Variants in ST8SIA2 observed in about 807,000 individuals in gnomAD.
ST8SIA2 encodes alpha-2,8-sialyltransferase 8B.
ST8SIA2 carries 22 observed loss-of-function variants against 37.6 expected under a neutral mutation model. That is an observed-to-expected ratio of 0.58 (90% CI 0.42 to 0.83). ST8SIA2 has a LOEUF of 0.83. ST8SIA2 is among the 40% of genes least tolerant of loss of function. The pLI is 0.00. For missense variants in ST8SIA2, 382 were observed against 484.7 expected (o/e 0.79, Z 1.99); for synonymous variants, 205 against 201.2 (o/e 1.02, Z -0.16).
At position 92,394,113 on chromosome 15, in the gene ST8SIA2, G is replaced by A; in HGVS notation, c.49G>A (p.Val17Met). 2 of 1,560,386 alleles carry A rather than the reference G, an allele frequency of 1.3e-6. No individual in the cohort carries two copies. The highest frequency in any genetic ancestry group is 1.7e-6 in the Non-Finnish European group (2 of 1,151,260). ...SWMLAALTLL[V>M]VFLIFADISE... ...GATGCTGGCCGCGCTCACGCTGCTC[G>A]TGGTCTTCCTCATCTTCGCAGACAT... is the stretch of plus-strand genomic sequence containing the variant. The change falls in exon 1 of 6, where the codon GTG (valine) becomes ATG (methionine). Residue 17 changes from valine to methionine, a missense_variant. Coordinates refer to ENST00000268164, the MANE Select transcript of ST8SIA2 (RefSeq NM_006011.4).
intron 5 of ST8SIA2, among the ~76,000 whole-genome samples, chr15:92,461,339 G>A (rs948798533): frequency 6.6e-6 from 1 of 152,120 alleles, no homozygotes; most frequent in Middle Eastern, 3.4e-3. Context: ...AATATAAGAG[G>A]AAAAAGCCCC....
At chr15:92,461,405 C>T (rs1193559799) in intron 5 of ST8SIA2, among the ~76,000 whole-genome samples, 1 of 152,180 alleles carries the variant, frequency 6.6e-6, no homozygotes, top group East Asian at 1.9e-4. Flanking sequence ...TAACCATCCA[C>T]TTCTTCAGCC....
intron 5 of ST8SIA2, among the ~76,000 whole-genome samples, chr15:92,446,216 CTCTT>C (rs1022379171): frequency 7.2e-5 from 11 of 152,140 alleles, no homozygotes; most frequent in African/African-American, 2.7e-4. Context: ...GCGTCTCTCT[CTCTT>C]TATGTTATAT....
intron 5 of ST8SIA2, among the ~76,000 whole-genome samples, chr15:92,452,553 C>T (rs766349682): frequency 6.6e-5 from 10 of 152,180 alleles, no homozygotes; most frequent in Non-Finnish European, 1.2e-4. Context: ...CAACACCAAG[C>T]TAGAGTTTCA....
chr15:92,408,677 T>TTTTA (rs58508323), intron 1 of ST8SIA2, among the ~76,000 whole-genome samples: 43,021 of 122,614 alleles, frequency 0.35, 7,197 homozygotes, highest in Middle Eastern at 0.43. Context: ...GTTCCATTTT[T>TTTTA]TTTATTTATT....
chr15:92,441,947 A>G (rs1291908754), intron 4 of ST8SIA2, among the ~76,000 whole-genome samples: 1 of 152,078 alleles, frequency 6.6e-6, no homozygotes, highest in Non-Finnish European at 1.5e-5. Context: ...GTACTCTTCA[A>G]TGTGTACCTG....
intron 5 of ST8SIA2, among the ~76,000 whole-genome samples, chr15:92,460,359 T>C (rs891342736): frequency 9.2e-5 from 14 of 152,182 alleles, no homozygotes; most frequent in African/African-American, 3.4e-4. Context: ...GTATGTGGCG[T>C]AGGTTGAGAA....
chr15:92,425,705 G>C (rs967518138), intron 1 of ST8SIA2, among the ~76,000 whole-genome samples: 3 of 152,210 alleles, frequency 2.0e-5, no homozygotes, highest in Admixed American at 2.0e-4. Flanking sequence ...GGTGGGGCCA[G>C]AGCGGGTCTA....
chr15:92,412,293 G>T (rs2049555389), intron 1 of ST8SIA2, among the ~76,000 whole-genome samples: 1 of 151,450 alleles, frequency 6.6e-6, no homozygotes, highest in Non-Finnish European at 1.5e-5. Context: ...GGGGGGAGAG[G>T]TTCAATGATA....
At chr15:92,429,464 CACAT>C (rs1293473461) in intron 1 of ST8SIA2, among the ~76,000 whole-genome samples, 1 of 152,198 alleles carries the variant, frequency 6.6e-6, no homozygotes, top group African/African-American at 2.4e-5. Flanking sequence ...TCTCATGACT[CACAT>C]ACACCCTTCT....
chr15:92,460,710 G>A (rs1355366985), intron 5 of ST8SIA2, among the ~76,000 whole-genome samples: 4 of 152,230 alleles, frequency 2.6e-5, no homozygotes, highest in East Asian at 1.9e-4. Context: ...GCAAAGGGCC[G>A]TGTGGGGTAG....
At chr15:92,416,546 G>A (rs1376507287) in intron 1 of ST8SIA2, among the ~76,000 whole-genome samples, 1 of 152,162 alleles carries the variant, frequency 6.6e-6, no homozygotes, top group African/African-American at 2.4e-5. Flanking sequence ...CCCGGAGAAA[G>A]TGTTGCCAGA....
intron 2 of ST8SIA2, 71 bp downstream of exon 2, chr15:92,430,182 C>A (rs528769428): frequency 2.1e-6 from 3 of 1,430,442 alleles, no homozygotes; most frequent in South Asian, 1.2e-5. Context: ...CTCTTCTTTG[C>A]TGGATGGTGC....
intron 1 of ST8SIA2, among the ~76,000 whole-genome samples, chr15:92,409,107 C>G (rs1352496890): frequency 3.3e-5 from 5 of 152,184 alleles, no homozygotes. Context: ...ACAGGCGAAT[C>G]CGCAGTTCTA....
Position 92,466,674 on chromosome 15 carries a change from C to G in ST8SIA2, c.*2289C>G, listed in dbSNP as rs765625967. 2.0e-5 allele frequency: 3 copies of G among 152,222 alleles called. No homozygotes were observed. The highest frequency in any genetic ancestry group is 4.4e-5 in the Non-Finnish European group (3 of 68,098). 9.4% of individuals were successfully genotyped at this position (152,222 alleles called of 1,614,324 possible). ...ATGAGCTGGAGTGCAAGGAGTCCTT[C>G]CACCCTGCCTTCAGGTTCTCTCTGG... On this transcript the variant is annotated 3_prime_UTR_variant, in exon 6 of 6. Coordinates refer to ENST00000268164, the MANE Select transcript of ST8SIA2 (RefSeq NM_006011.4).
intron 5 of ST8SIA2, among the ~76,000 whole-genome samples, chr15:92,456,305 G>A (rs2141848620): frequency 6.6e-6 from 1 of 152,184 alleles, no homozygotes; most frequent in East Asian, 1.9e-4. Flanking sequence ...TTGCAGTGAA[G>A]CTGGGGTCAT....
intron 5 of ST8SIA2, among the ~76,000 whole-genome samples, chr15:92,454,719 G>A (rs186180036): frequency 1.5e-4 from 23 of 152,180 alleles, no homozygotes; most frequent in African/African-American, 4.8e-4. Flanking sequence ...GCCCCAACCT[G>A]AGCAGCTCAC....
chr15:92,419,304 G>T (rs962402524), intron 1 of ST8SIA2, among the ~76,000 whole-genome samples: 3 of 152,118 alleles, frequency 2.0e-5, no homozygotes, highest in African/African-American at 7.2e-5. Flanking sequence ...TAGTGTAGAC[G>T]GACCTGAGAA....
At chr15:92,401,532 C>T (rs1264420030) in intron 1 of ST8SIA2, among the ~76,000 whole-genome samples, 3 of 152,282 alleles carry the variant, frequency 2.0e-5, no homozygotes, top group Non-Finnish European at 4.4e-5. Flanking sequence ...GCAGCGGCCC[C>T]GACACGACAT....
Sources: allele counts gnomAD v4.1 joint callset (sites outside exome capture counted in the v4.1 genomes callset), GRCh38; gene constraint gnomAD v4.1.1; transcripts MANE v1.5; gene names NCBI Gene and HGNC (gene_info 2026-07-23, HGNC 2026-07-21).